NBEA: variants seen among roughly 807,000 people sequenced by gnomAD.
NBEA encodes the protein lysosomal-trafficking regulator 2.
A neutral mutation model predicts 343.4 loss-of-function variants in NBEA; 44 were observed. That is an observed-to-expected ratio of 0.13 (90% CI 0.10 to 0.16). The LOEUF (loss-of-function observed/expected upper bound fraction) is 0.16. NBEA is among the 10% of genes least tolerant of loss of function. NBEA has a pLI of 1.00. For missense variants in NBEA, 2,555 were observed against 3,631.3 expected (o/e 0.70, Z 7.62); for synonymous variants, 1,175 against 1,238.7 (o/e 0.95, Z 1.08).
intron 1 of NBEA, among the ~76,000 whole-genome samples, chr13:34,962,664 TA>T (rs1379733616): frequency 6.6e-6 from 1 of 152,106 alleles, no homozygotes; most frequent in African/African-American, 2.4e-5. Context: ...TTGTGTTTCT[TA>T]ATGAAATAAA....
At chr13:35,020,443 G>C (rs937577093) in intron 1 of NBEA, among the ~76,000 whole-genome samples, 1 of 152,038 alleles carries the variant, frequency 6.6e-6, no homozygotes, top group African/African-American at 2.4e-5. Flanking sequence ...CTTTTAGAAG[G>C]CTATATTTTC....
chr13:35,290,318 T>C, intron 34 of NBEA, 71 bp from the exon 35 acceptor site: 1 of 954,988 alleles, frequency 1.0e-6, no homozygotes, highest in Non-Finnish European at 1.7e-6. Context: ...TAAAATTATA[T>C]AATGAATTAA....
intron 36 of NBEA, among the ~76,000 whole-genome samples, chr13:35,342,359 T>C (rs143592309): frequency 3.9e-4 from 59 of 152,216 alleles, no homozygotes; most frequent in African/African-American, 1.3e-3. Context: ...ATGTGAAATA[T>C]ATCTCAATTT....
intron 38 of NBEA, among the ~76,000 whole-genome samples, chr13:35,398,810 C>T (rs999959841): frequency 3.3e-5 from 5 of 152,054 alleles, no homozygotes; most frequent in African/African-American, 1.2e-4. Flanking sequence ...TTGGCTTCAA[C>T]TTCAAGTTGT....
chr13:35,559,402 A>G (rs1271458326), intron 44 of NBEA, among the ~76,000 whole-genome samples: 2 of 152,198 alleles, frequency 1.3e-5, no homozygotes, highest in Non-Finnish European at 2.9e-5. Context: ...GTTATTGTTC[A>G]GGAAGTATTT....
intron 32 of NBEA, among the ~76,000 whole-genome samples, 172 bp from the exon 33 acceptor site, chr13:35,210,881 T>C (rs2073727353): frequency 6.6e-6 from 1 of 152,198 alleles, no homozygotes; most frequent in Admixed American, 6.6e-5. Context: ...GCAACATCTG[T>C]TATATAAAAT....
At chr13:35,651,597 G>C (rs531830370) in intron 52 of NBEA, among the ~76,000 whole-genome samples, 32 of 152,144 alleles carry the variant, frequency 2.1e-4, no homozygotes, top group South Asian at 6.2e-4. Flanking sequence ...ACTCTTCCCA[G>C]CCTTGTACAT....
intron 47 of NBEA, among the ~76,000 whole-genome samples, chr13:35,595,104 T>C (rs2081725200): frequency 6.6e-6 from 1 of 152,058 alleles, no homozygotes; most frequent in South Asian, 2.1e-4. Context: ...ATTTCACTGA[T>C]GCTTTATACC....
At chr13:35,588,838 A>G (rs1265853205) in intron 46 of NBEA, among the ~76,000 whole-genome samples, 1 of 152,164 alleles carries the variant, frequency 6.6e-6, no homozygotes, top group African/African-American at 2.4e-5. Context: ...CAAATTCAGT[A>G]TATTCAACCC....
At chr13:35,299,857 T>G (rs1208503811) in intron 35 of NBEA, among the ~76,000 whole-genome samples, 1 of 152,172 alleles carries the variant, frequency 6.6e-6, no homozygotes, top group Non-Finnish European at 1.5e-5. Context: ...CTTATCCCTT[T>G]GCATGTGTTT....
chr13:35,203,489 A>T (rs1251490537), intron 31 of NBEA, among the ~76,000 whole-genome samples: 1 of 152,150 alleles, frequency 6.6e-6, no homozygotes, highest in Non-Finnish European at 1.5e-5. Context: ...CATCTGATAT[A>T]CTATATTTAC....
intron 49 of NBEA, among the ~76,000 whole-genome samples, chr13:35,639,912 C>T (rs1349348648): frequency 6.7e-6 from 1 of 149,428 alleles, no homozygotes; most frequent in Non-Finnish European, 1.5e-5. Flanking sequence ...GCTCTGTAGA[C>T]CTGACGGCAT....
intron 30 of NBEA, among the ~76,000 whole-genome samples, chr13:35,187,019 TAAACTA>T (rs1593662343): frequency 6.6e-6 from 1 of 152,240 alleles, no homozygotes; most frequent in East Asian, 1.9e-4. Context: ...AACTTTAACT[TAAACTA>T]AAACTTTAAC....
At chr13:35,383,363 T>C (rs962276994) in intron 38 of NBEA, among the ~76,000 whole-genome samples, 1 of 152,144 alleles carries the variant, frequency 6.6e-6, no homozygotes, top group Non-Finnish European at 1.5e-5. Context: ...TAACTGTCAA[T>C]AGCATTATTT....
At chr13:35,598,514 A>C (rs147146758) in intron 47 of NBEA, among the ~76,000 whole-genome samples, 1 of 152,346 alleles carries the variant, frequency 6.6e-6, no homozygotes, top group Non-Finnish European at 1.5e-5. Context: ...GACCATAGAA[A>C]GTTAGGGCCA....
chr13:35,314,207 A>G (rs1466989048), intron 36 of NBEA, among the ~76,000 whole-genome samples: 1 of 152,142 alleles, frequency 6.6e-6, no homozygotes, highest in East Asian at 1.9e-4. Flanking sequence ...GGGAGAGGGT[A>G]TATACTATCT....
chr13:35,554,539 T>C (rs1210037186), intron 43 of NBEA, among the ~76,000 whole-genome samples: 1 of 152,244 alleles, frequency 6.6e-6, no homozygotes, highest in Admixed American at 6.5e-5. Context: ...GCTGTGCATG[T>C]GTACACACTC....
chr13:35,600,792 TAGA>T (rs1213256581), intron 47 of NBEA, among the ~76,000 whole-genome samples: 3 of 152,122 alleles, frequency 2.0e-5, no homozygotes, highest in African/African-American at 7.2e-5. Context: ...ATTTCCCTGG[TAGA>T]AGAAGGGACA....
chr13:34,953,864 G>T (rs563783645), intron 1 of NBEA, among the ~76,000 whole-genome samples: 2 of 152,198 alleles, frequency 1.3e-5, no homozygotes, highest in Admixed American at 1.3e-4. Flanking sequence ...TCTGCCTCCT[G>T]TCAGATCAGC....
Sources: allele counts gnomAD v4.1 joint callset (sites outside exome capture counted in the v4.1 genomes callset), GRCh38; gene constraint gnomAD v4.1.1; transcripts MANE v1.5; gene names NCBI Gene and HGNC (gene_info 2026-07-23, HGNC 2026-07-21).